LAMA2: variants seen among roughly 807,000 people sequenced by gnomAD.
The protein encoded by LAMA2 is laminin subunit alpha 2.
Under a neutral mutation model 364.8 loss-of-function variants are expected in LAMA2, and 269 were observed. The observed-to-expected ratio is 0.74, with a 90% confidence interval of 0.67 to 0.82. The LOEUF is 0.82. Among genes scored for constraint, LAMA2 ranks in the 40% least tolerant of loss-of-function variants. LAMA2 has a pLI of 0.00. For synonymous variants in LAMA2, 1,379 were observed against 1,370.6 expected (o/e 1.01, Z -0.14); for missense variants, 3,807 against 3,873.2 (o/e 0.98, Z 0.45).
chr6:129,095,754 CAAAAAAAA>C (rs57713069), intron 3 of LAMA2, among the ~76,000 whole-genome samples: 8 of 93,998 alleles, frequency 8.5e-5, no homozygotes, highest in East Asian at 3.2e-4. Context: ...CTACTAAATA[CAAAAAAAA>C]AAAAAAAAAA....
intron 22 of LAMA2, 70 bp downstream of exon 22, chr6:129,300,942 G>C: frequency 7.2e-7 from 1 of 1,381,594 alleles, no homozygotes; most frequent in Admixed American, 1.7e-5. Flanking sequence ...TCTGTAATTG[G>C]GCATTTCAAA....
At chr6:129,143,564 T>C (rs1284836546) in intron 4 of LAMA2, among the ~76,000 whole-genome samples, 2 of 152,064 alleles carry the variant, frequency 1.3e-5, no homozygotes, top group Non-Finnish European at 2.9e-5. Flanking sequence ...TTAAGTAATT[T>C]AGGGCACAAT....
chr6:129,153,258 A>G (rs1778919679), intron 7 of LAMA2, among the ~76,000 whole-genome samples: 1 of 152,208 alleles, frequency 6.6e-6, no homozygotes, highest in Non-Finnish European at 1.5e-5. Flanking sequence ...TTTCACATGC[A>G]TTATCTCACT....
rs148419866 is a variant in LAMA2, at chr6:129,147,018, C to T, written c.879C>T (p.Ala293=). 2.2e-5 allele frequency: 35 copies of T among 1,611,250 alleles called. No homozygotes were observed. In the African/African-American group the frequency reaches 4.4e-4, roughly 20 times the overall value. The change falls in exon 6 of 65, where the codon GCC becomes GCT. Residue 293 remains alanine (A), a synonymous_variant. Coordinates refer to ENST00000421865, the MANE Select transcript of LAMA2 (RefSeq NM_000426.4). ...GGATGTGCATCTGCTATGGTCATGC[C>T]AGGGCTTGTCCACTTGATCCAGCGA... ...VGGMCICYGH[A]RACPLDPATN... is the part of the protein sequence containing the mutation.
intron 8 of LAMA2, chr6:129,158,588 A>C (rs1458928444): frequency 6.2e-7 from 1 of 1,614,008 alleles, no homozygotes; most frequent in Non-Finnish European, 8.5e-7. Flanking sequence ...TCTTGCAATA[A>C]TGTTTGTAAC....
At chr6:129,445,528 A>G (rs1782321677) in intron 44 of LAMA2, 139 bp from the exon 45 acceptor site, 1 of 718,572 alleles carries the variant, frequency 1.4e-6, no homozygotes, top group Non-Finnish European at 2.4e-6. Flanking sequence ...TTGCCATCAC[A>G]CATTTTGCTT....
rs545807292 is a variant in LAMA2, at chr6:129,313,858, C to T, written c.3411+761C>T. 1.1e-3 allele frequency among the ~76,000 whole-genome samples: 167 copies of T among 152,222 alleles called. 3 individuals are homozygous for T. The highest frequency in any genetic ancestry group is 9.6e-3 in the Admixed American group (147 of 15,302). On this transcript the variant is annotated intron_variant, in intron 23 of 64. Transcript: ENST00000421865. ...TGGCAGTTTCTACCATCAAGGGCTT[C>T]GGCCAATACCGAGTACAATGCTGCA...
intron 1 of LAMA2, among the ~76,000 whole-genome samples, chr6:128,890,829 T>C (rs1776411743): frequency 6.6e-6 from 1 of 152,048 alleles, no homozygotes; most frequent in Admixed American, 6.6e-5. Flanking sequence ...TAAATGTCAG[T>C]GAATGAAAAG....
chr6:129,158,273 C>G lies in LAMA2; in HGVS notation c.1206+3590C>G, dbSNP rs1217904033. On this transcript the variant is annotated intron_variant, in intron 8 of 64. Coordinates refer to ENST00000421865, the MANE Select transcript of LAMA2 (RefSeq NM_000426.4). ...TGAAACCAAGTATGTTTTCATGGCGCATTAGCACAGTTTGGTAGATTTCTG... is the reference window on the plus strand; with the variant it reads ...TGAAACCAAGTATGTTTTCATGGCGGATTAGCACAGTTTGGTAGATTTCTG... 6 of 1,613,988 alleles carry G rather than the reference C, an allele frequency of 3.7e-6. No individual in the cohort carries two copies. The East Asian group carries it at 1.3e-4, about 36-fold the overall frequency.
At chr6:129,354,793 A>G (rs1020262313) in intron 32 of LAMA2, among the ~76,000 whole-genome samples, 3 of 152,192 alleles carry the variant, frequency 2.0e-5, no homozygotes, top group African/African-American at 4.8e-5. Context: ...CTGCCCATCA[A>G]CAACAATGGC....
chr6:129,268,984 T>C (rs948308718), intron 16 of LAMA2, among the ~76,000 whole-genome samples: 1 of 152,138 alleles, frequency 6.6e-6, no homozygotes, highest in Non-Finnish European at 1.5e-5. Flanking sequence ...ACTGTTCAGC[T>C]GACCCTGCAT....
intron 40 of LAMA2, among the ~76,000 whole-genome samples, chr6:129,426,604 T>A (rs1781338663): frequency 1.3e-5 from 2 of 152,282 alleles, no homozygotes; most frequent in Admixed American, 1.3e-4. Flanking sequence ...GCCAAGGTTG[T>A]CTTTTGCAAG....
rs562106425 is a variant in LAMA2, at chr6:129,236,465, G to T, written c.1783-13647G>T. Among the ~76,000 whole-genome samples the T allele has an allele frequency of 4.5e-3, 680 of 152,152 alleles. 2 individuals are homozygous for T. Among genetic ancestry groups the T allele is most frequent in the South Asian group, 0.028 (137 of 4,824 alleles). ...TAAAAACCTCTGAATATCTGAATAC[G>T]TTTTAAGAGCACCCCTTATAAAACA... On this transcript the variant is annotated intron_variant, in intron 12 of 64. Transcript: ENST00000421865.
chr6:128,981,863 G>A (rs1454471275), intron 1 of LAMA2, among the ~76,000 whole-genome samples: 1 of 152,168 alleles, frequency 6.6e-6, no homozygotes. Flanking sequence ...ACAGGTCCCA[G>A]GTCGTTGACT....
At chr6:129,468,137 A>G (rs1307599606) in intron 51 of LAMA2, among the ~76,000 whole-genome samples, 1 of 151,830 alleles carries the variant, frequency 6.6e-6, no homozygotes, top group East Asian at 1.9e-4. Flanking sequence ...CCAAGCAGTC[A>G]TTCTCACTTT....
chr6:128,912,131 AT>A (rs2114460341), intron 1 of LAMA2, among the ~76,000 whole-genome samples: 1 of 152,296 alleles, frequency 6.6e-6, no homozygotes, highest in African/African-American at 2.4e-5. Flanking sequence ...TTATGGACAT[AT>A]GTTTTCATTT....
chr6:129,148,897 C>T (rs1778636373), intron 6 of LAMA2, 82 bp from the exon 7 acceptor site: 1 of 936,460 alleles, frequency 1.1e-6, no homozygotes, highest in Non-Finnish European at 1.8e-6. Context: ...TTTCTCTTTT[C>T]TTCATAGTAC....
chr6:128,898,704 A>C (rs1418808986), intron 1 of LAMA2, among the ~76,000 whole-genome samples: 1 of 152,254 alleles, frequency 6.6e-6, no homozygotes, highest in Non-Finnish European at 1.5e-5. Flanking sequence ...AAATCAGATT[A>C]GATCTTTCCT....
intron 10 of LAMA2, among the ~76,000 whole-genome samples, chr6:129,188,012 A>T (rs1329482003): frequency 6.6e-6 from 1 of 151,870 alleles, no homozygotes; most frequent in East Asian, 1.9e-4. Flanking sequence ...TGCTTCAAGG[A>T]TCAGGTCAAA....
Sources: gnomAD v4.1 joint callset for allele counts (sites outside exome capture counted in the v4.1 genomes callset) on GRCh38, gnomAD v4.1.1 for gene constraint, MANE v1.5 for transcripts, NCBI Gene and HGNC (gene_info 2026-07-23, HGNC 2026-07-21) for gene names.